The following ABI3BP variants were observed in gnomAD, a reference collection of about 807,000 sequenced individuals.
The protein encoded by ABI3BP is ABI family member 3 binding protein.
ABI3BP carries 216 observed loss-of-function variants against 268.6 expected under a neutral mutation model. The observed-to-expected ratio is 0.80, with a 90% CI of 0.72 to 0.90. The LOEUF is 0.90. Ranked by LOEUF, ABI3BP falls within the 40% of genes least tolerant of loss-of-function variation. ABI3BP has a pLI of 0.00. For missense variants in ABI3BP, 2,090 were observed against 2,182.4 expected (o/e 0.96, Z 0.84); for synonymous variants, 730 against 730.0 (o/e 1.00, Z 0.00).
At chr3:100,969,354 C>G (rs1446947903) in intron 1 of ABI3BP, among the ~76,000 whole-genome samples, 1 of 152,124 alleles carries the variant, frequency 6.6e-6, no homozygotes, top group East Asian at 1.9e-4. Context: ...AGTGGCATTG[C>G]CAGAATTAGA....
At chr3:100,820,401 T>G in intron 39 of ABI3BP, 98 bp from the exon 40 acceptor site, 1 of 914,164 alleles carries the variant, frequency 1.1e-6, no homozygotes. Flanking sequence ...TTACTAGATT[T>G]TCTCATATTT....
rs774397023 is a variant in ABI3BP at position 100,886,302 on chromosome 3, T to G, written c.483A>C (p.Arg161=). 1 of 1,601,608 alleles carries G rather than the reference T, an allele frequency of 6.2e-7. No homozygotes were observed. Among genetic ancestry groups the G allele is most frequent in the Non-Finnish European group, 8.5e-7 (1 of 1,173,756 alleles). ...TCCACTTCTTTTCTTTATCCTTTTC[T>G]CGATAGCGAATTGTATAAAATCTGT... ...PNDRFYTIRY[R]EKDKEKKWIF... is the part of the protein sequence containing the mutation. The change falls in exon 5 of 68, where the codon CGA becomes CGC. Residue 161 remains arginine, a synonymous_variant. Coordinates refer to ENST00000471714, the MANE Select transcript of ABI3BP (RefSeq NM_001375547.2).
intron 1 of ABI3BP, among the ~76,000 whole-genome samples, chr3:100,926,695 C>T (rs2061906001): frequency 6.6e-6 from 1 of 152,086 alleles, no homozygotes; most frequent in African/African-American, 2.4e-5. Context: ...CTGTTCAATA[C>T]TTAGTAGTTT....
intron 2 of ABI3BP, among the ~76,000 whole-genome samples, chr3:100,922,951 T>C (rs62273925): frequency 0.1 from 15,732 of 152,150 alleles, 1,104 homozygotes; most frequent in Non-Finnish European, 0.15. Flanking sequence ...AAAAATAACA[T>C]TTAACTTGGA....
At chr3:100,983,681 C>T (rs997008730) in intron 1 of ABI3BP, among the ~76,000 whole-genome samples, 2 of 152,110 alleles carry the variant, frequency 1.3e-5, no homozygotes, top group African/African-American at 2.4e-5. Flanking sequence ...ATTTCAAACC[C>T]CTTAAATGCA....
chr3:100,942,832 G>GC (rs1228943830), intron 1 of ABI3BP, among the ~76,000 whole-genome samples: 5 of 152,116 alleles, frequency 3.3e-5, no homozygotes, highest in African/African-American at 1.2e-4. Flanking sequence ...AAGTTTGAGA[G>GC]CCATTACTCT....
chr3:100,849,372 T>A (rs575991366), intron 17 of ABI3BP, among the ~76,000 whole-genome samples: 1 of 152,094 alleles, frequency 6.6e-6, no homozygotes, highest in East Asian at 1.9e-4. Context: ...TACAGGCATG[T>A]ACCATGACGT....
At chr3:100,757,379 G>A (rs1429240237) in intron 63 of ABI3BP, among the ~76,000 whole-genome samples, 1 of 152,282 alleles carries the variant, frequency 6.6e-6, no homozygotes. Context: ...ATAAAGACAA[G>A]TCCTCAAAAC....
At chr3:100,815,340 T>A (rs1280086518) in intron 44 of ABI3BP, among the ~76,000 whole-genome samples, 1 of 152,102 alleles carries the variant, frequency 6.6e-6, no homozygotes, top group Non-Finnish European at 1.5e-5. Flanking sequence ...ATTAAAGGAA[T>A]AAATATTGAA....
chr3:100,847,728 C>A, intron 18 of ABI3BP, 55 bp from the exon 19 acceptor site: 2 of 1,413,226 alleles, frequency 1.4e-6, no homozygotes, highest in Admixed American at 1.7e-5. Context: ...TAAAAAGACA[C>A]CCTCTAAAGA....
chr3:100,911,152 G>T, intron 2 of ABI3BP: 1 of 379,332 alleles, frequency 2.6e-6, no homozygotes, highest in Non-Finnish European at 5.1e-6. Flanking sequence ...TAAGTCTAAG[G>T]CTTTATGCTT....
At chr3:100,870,155 A>G (rs1326131486) in intron 9 of ABI3BP, among the ~76,000 whole-genome samples, 1 of 152,186 alleles carries the variant, frequency 6.6e-6, no homozygotes, top group Non-Finnish European at 1.5e-5. Context: ...CATGGCATAA[A>G]GGACTGTTTA....
At chr3:100,942,344 G>A (rs1435283028) in intron 1 of ABI3BP, among the ~76,000 whole-genome samples, 1 of 152,062 alleles carries the variant, frequency 6.6e-6, no homozygotes, top group African/African-American at 2.4e-5. Flanking sequence ...TGTTTAATTA[G>A]TCACAAAAGT....
intron 1 of ABI3BP, among the ~76,000 whole-genome samples, chr3:100,984,069 C>T (rs2090742673): frequency 6.6e-6 from 1 of 151,958 alleles, no homozygotes; most frequent in Admixed American, 6.6e-5. Context: ...TTATCAAGCA[C>T]TTATACATAC....
At chr3:100,781,484 T>G (rs1051815637) in intron 57 of ABI3BP, among the ~76,000 whole-genome samples, 1 of 152,130 alleles carries the variant, frequency 6.6e-6, no homozygotes, top group South Asian at 2.1e-4. Flanking sequence ...GTGACTAATC[T>G]CATAGGCAGG....
intron 6 of ABI3BP, among the ~76,000 whole-genome samples, chr3:100,883,857 A>T (rs137909574): frequency 2.0e-4 from 31 of 152,234 alleles, no homozygotes; most frequent in African/African-American, 7.5e-4. Flanking sequence ...ATAAGTGTTC[A>T]CTATAACATC....
intron 1 of ABI3BP, among the ~76,000 whole-genome samples, chr3:100,961,608 A>C (rs2079128048): frequency 2.0e-5 from 3 of 152,198 alleles, no homozygotes; most frequent in Admixed American, 2.0e-4. Flanking sequence ...TGCTACTATG[A>C]TGCAAAAAGT....
chr3:100,770,442 CT>C (rs2096509750), intron 62 of ABI3BP, among the ~76,000 whole-genome samples: 1 of 151,986 alleles, frequency 6.6e-6, no homozygotes, highest in Non-Finnish European at 1.5e-5. Flanking sequence ...ATGTAATTTT[CT>C]GGATAATGAA....
intron 12 of ABI3BP, chr3:100,863,543 T>A (rs1169039777): frequency 6.2e-6 from 1 of 160,466 alleles, no homozygotes; most frequent in Non-Finnish European, 1.4e-5. Flanking sequence ...CTTGAACTAC[T>A]GACCTCAGGC....
Sources: gnomAD v4.1 joint callset for allele counts (sites outside exome capture counted in the v4.1 genomes callset) on GRCh38, gnomAD v4.1.1 for gene constraint, MANE v1.5 for transcripts, NCBI Gene and HGNC (gene_info 2026-07-23, HGNC 2026-07-21) for gene names.